SOX6: variants seen among roughly 807,000 people sequenced by gnomAD.
The protein encoded by SOX6 is SRY-box transcription factor 6, also known as transcription factor SOX-6.
Under a neutral mutation model 97.8 loss-of-function variants are expected in SOX6, and 11 were observed. The observed-to-expected ratio is 0.11, with a 90% confidence interval of 0.07 to 0.19. SOX6 has a LOEUF of 0.19. Ranked by LOEUF, SOX6 falls within the 10% of genes least tolerant of loss-of-function variation. SOX6 has a pLI of 1.00. For missense variants in SOX6, 810 were observed against 1,039.5 expected (o/e 0.78, Z 3.04); for synonymous variants, 360 against 371.4 (o/e 0.97, Z 0.35).
intron 2 of SOX6, among the ~76,000 whole-genome samples, chr11:16,716,666 C>G (rs773049400): frequency 3.3e-5 from 5 of 151,732 alleles, no homozygotes; most frequent in Non-Finnish European, 7.4e-5. Flanking sequence ...CATAATAAGT[C>G]AAAAACTGGA....
chr11:16,622,383 C>T (rs1848557233), intron 3 of SOX6, among the ~76,000 whole-genome samples: 1 of 152,138 alleles, frequency 6.6e-6, no homozygotes, highest in African/African-American at 2.4e-5. Context: ...GAGCCGTGTA[C>T]ACTGTACCCA....
intron 4 of SOX6, among the ~76,000 whole-genome samples, chr11:16,523,052 G>T (rs1171938565): frequency 6.6e-6 from 1 of 152,150 alleles, no homozygotes; most frequent in Non-Finnish European, 1.5e-5. Context: ...ACACCCCACT[G>T]TCAACATTAG....
chr11:16,070,825 G>T (rs552146380), intron 9 of SOX6, among the ~76,000 whole-genome samples: 1 of 152,290 alleles, frequency 6.6e-6, no homozygotes, highest in Admixed American at 6.5e-5. Flanking sequence ...AGGAATGGGA[G>T]AATCCTCCTA....
At chr11:16,498,375 C>T (rs1032466529) in intron 4 of SOX6, among the ~76,000 whole-genome samples, 26 of 152,108 alleles carry the variant, frequency 1.7e-4, no homozygotes, top group African/African-American at 5.3e-4. Context: ...TAAAGACCAT[C>T]GAGGCTAGGA....
chr11:16,634,011 C>T (rs541556673), intron 3 of SOX6, among the ~76,000 whole-genome samples: 2 of 152,278 alleles, frequency 1.3e-5, no homozygotes, highest in African/African-American at 4.8e-5. Flanking sequence ...AAATGTGATT[C>T]ATTTTCTAGA....
At chr11:16,599,177 G>A (rs945385086) in intron 4 of SOX6, among the ~76,000 whole-genome samples, 2 of 152,214 alleles carry the variant, frequency 1.3e-5, no homozygotes, top group African/African-American at 4.8e-5. Context: ...TCAATACATG[G>A]TGCTTCAATC....
At chr11:16,015,880 TTA>T in intron 12 of SOX6, among the ~76,000 whole-genome samples, 1 of 152,194 alleles carries the variant, frequency 6.6e-6, no homozygotes, top group East Asian at 1.9e-4. Context: ...TGTGTTGTGC[TTA>T]TGAATGAATG....
intron 4 of SOX6, among the ~76,000 whole-genome samples, chr11:16,496,234 GA>G (rs1217223025): frequency 1.3e-5 from 2 of 150,726 alleles, no homozygotes; most frequent in African/African-American, 2.4e-5. Context: ...ATATTTCAAT[GA>G]AAAAAAACTT....
At chr11:16,646,797 T>A (rs1444705429) in intron 3 of SOX6, among the ~76,000 whole-genome samples, 1 of 152,226 alleles carries the variant, frequency 6.6e-6, no homozygotes, top group African/African-American at 2.4e-5. Flanking sequence ...TGAATGGGCA[T>A]TTGGCTGGTT....
At chr11:16,165,854 C>T (rs563617771) in intron 6 of SOX6, among the ~76,000 whole-genome samples, 28 of 151,098 alleles carry the variant, frequency 1.9e-4, no homozygotes, top group African/African-American at 2.9e-4. Context: ...GCCAAGATGG[C>T]GCCACTGCAC....
chr11:16,589,493 C>T (rs1334671098), intron 4 of SOX6, among the ~76,000 whole-genome samples: 2 of 151,936 alleles, frequency 1.3e-5, no homozygotes, highest in Non-Finnish European at 2.9e-5. Flanking sequence ...TAAAATGATT[C>T]TTCCAAAAAA....
At chr11:16,133,081 T>A (rs1849862930) in intron 6 of SOX6, among the ~76,000 whole-genome samples, 1 of 152,196 alleles carries the variant, frequency 6.6e-6, no homozygotes, top group Non-Finnish European at 1.5e-5. Context: ...TTTGGTTTTC[T>A]TATTAAAAGA....
intron 4 of SOX6, among the ~76,000 whole-genome samples, chr11:16,556,683 T>G (rs1299258821): frequency 6.6e-6 from 1 of 151,836 alleles, no homozygotes; most frequent in Non-Finnish European, 1.5e-5. Flanking sequence ...AAATAACATT[T>G]TATAATCATA....
intron 2 of SOX6, among the ~76,000 whole-genome samples, chr11:16,335,552 C>G (rs897615675): frequency 6.6e-6 from 1 of 152,142 alleles, no homozygotes. Context: ...GTGCTGCCTA[C>G]TATCTTAAAT....
chr11:16,110,687 T>G (rs1450958704), intron 7 of SOX6, among the ~76,000 whole-genome samples: 1 of 152,140 alleles, frequency 6.6e-6, no homozygotes, highest in Non-Finnish European at 1.5e-5. Flanking sequence ...CTACCTTTTC[T>G]TACAAAGAAG....
intron 5 of SOX6, 96 bp from the exon 6 acceptor site, chr11:16,184,050 G>A (rs1223435579): frequency 9.9e-6 from 10 of 1,013,498 alleles, no homozygotes; most frequent in African/African-American, 1.6e-5. Flanking sequence ...ATCTTTTACC[G>A]CACCTCTATG....
At chr11:16,126,342 C>T (rs1003380853) in intron 6 of SOX6, among the ~76,000 whole-genome samples, 23 of 152,066 alleles carry the variant, frequency 1.5e-4, no homozygotes, top group African/African-American at 5.6e-4. Context: ...TTTGATTTAA[C>T]ATTTTAAAAG....
chr11:16,641,353 T>C (rs1848910593), intron 3 of SOX6, among the ~76,000 whole-genome samples: 1 of 152,178 alleles, frequency 6.6e-6, no homozygotes, highest in African/African-American at 2.4e-5. Flanking sequence ...TTGGAATAAG[T>C]GCGGTGTGGT....
At chr11:16,353,780 C>T (rs1456656737) in intron 1 of SOX6, among the ~76,000 whole-genome samples, 2 of 152,004 alleles carry the variant, frequency 1.3e-5, no homozygotes, top group East Asian at 3.9e-4. Flanking sequence ...CATATTTGCA[C>T]ACCTACCAAG....
Sources: gnomAD v4.1 joint callset for allele counts (sites outside exome capture counted in the v4.1 genomes callset) on GRCh38, gnomAD v4.1.1 for gene constraint, MANE v1.5 for transcripts, NCBI Gene and HGNC (gene_info 2026-07-23, HGNC 2026-07-21) for gene names.